UBE2K: variants seen among roughly 807,000 people sequenced by gnomAD.
The protein encoded by UBE2K is ubiquitin conjugating enzyme E2 K.
Under a neutral mutation model 30.0 loss-of-function variants are expected in UBE2K, and 6 were observed. The observed-to-expected ratio is 0.20, with a 90% confidence interval of 0.11 to 0.39. The LOEUF (loss-of-function observed/expected upper bound fraction) is 0.39. Among genes scored for constraint, UBE2K ranks in the 10% least tolerant of loss-of-function variants. UBE2K has a pLI of 1.00. For missense variants in UBE2K, 61 were observed against 241.6 expected (o/e 0.25, Z 4.96); for synonymous variants, 86 against 83.7 (o/e 1.03, Z -0.15).
At chr4:39,724,504 T>C (rs921697095) in intron 1 of UBE2K, among the ~76,000 whole-genome samples, 3 of 143,222 alleles carry the variant, frequency 2.1e-5, no homozygotes, top group Non-Finnish European at 4.5e-5. Context: ...CCTAGCACTT[T>C]GGGAGGCTGA....
chr4:39,740,690 G>T lies in UBE2K; in HGVS notation c.157+3177G>T, dbSNP rs567634270. Among the ~76,000 whole-genome samples the T allele has an allele frequency of 4.3e-4, 63 of 145,680 alleles. 1 individual carries two copies. In the East Asian group the frequency reaches 0.013, roughly 29 times the overall value. The stretch of plus-strand genomic sequence containing the variant: ...GTCCTGGCTAACACGATGAAACCCC[G>T]TCTCTACTAAAAATACAAAAAAATT... On this transcript the variant is annotated intron_variant, in intron 2 of 6. Transcript: ENST00000261427.
intron 1 of UBE2K, among the ~76,000 whole-genome samples, chr4:39,724,078 A>G (rs6825216): frequency 0.83 from 125,566 of 151,510 alleles, 52,492 homozygotes; most frequent in African/African-American, 0.94. Context: ...CTCCCAAAGT[A>G]CTGGGATTAC....
rs761639230 is a variant in UBE2K at position 39,772,978 on chromosome 4, C to T, written c.300-1856C>T. On this transcript the variant is annotated intron_variant, in intron 4 of 6. Transcript: ENST00000261427. ...TTGGGATTACAGGTGTGAGCCACCG[C>T]GCCCAGCCAGTGAGACAACTTTTTT... Among the ~76,000 whole-genome samples the T allele has an allele frequency of 1.1e-4, 14 of 122,546 alleles. 1 individual carries two copies. Among genetic ancestry groups the T allele is most frequent in the East Asian group, 8.2e-4 (3 of 3,652 alleles). 80.4% of individuals were successfully genotyped at this position (122,546 alleles called of 152,430 possible).
Position 39,722,308 on chromosome 4 carries a change from T to TA in UBE2K, c.64-15109dup, listed in dbSNP as rs1427881669. ...TGTAAAGGTTTGATTAGCTTCAGGT[T>TA]AAACATTTTGGTAAGAAGATCCCAA... On this transcript the variant is annotated intron_variant, in intron 1 of 6. Coordinates refer to ENST00000261427, the MANE Select transcript of UBE2K (RefSeq NM_005339.5). Among the ~76,000 whole-genome samples, 4 of 152,304 alleles carry TA rather than the reference T, an allele frequency of 2.6e-5. 1 individual carries two copies. The highest frequency in any genetic ancestry group is 9.6e-5 in the African/African-American group (4 of 41,562).
chr4:39,777,833 AT>A, intron 6 of UBE2K, 23 bp downstream of exon 6: 2 of 1,379,576 alleles, frequency 1.4e-6, no homozygotes, highest in Non-Finnish European at 1.9e-6. Flanking sequence ...GGGCATGTTG[AT>A]TTTGATATAT....
chr4:39,729,000 A>T (rs948103579), intron 1 of UBE2K, among the ~76,000 whole-genome samples: 4 of 126,520 alleles, frequency 3.2e-5, no homozygotes, highest in Non-Finnish European at 4.9e-5. Flanking sequence ...AAGGAGTCTT[A>T]CTTTGTCGCC....
intron 1 of UBE2K, among the ~76,000 whole-genome samples, chr4:39,717,049 C>T (rs559013457): frequency 6.6e-5 from 10 of 150,452 alleles, no homozygotes; most frequent in African/African-American, 2.4e-4. Context: ...ATCAGTAGTC[C>T]TAAACTACTC....
chr4:39,702,557 A>G (rs1320356809), intron 1 of UBE2K, among the ~76,000 whole-genome samples: 1 of 151,896 alleles, frequency 6.6e-6, no homozygotes, highest in African/African-American at 2.4e-5. Flanking sequence ...CCTGGCCAAC[A>G]TTTTCTAGTC....
intron 1 of UBE2K, among the ~76,000 whole-genome samples, chr4:39,701,870 G>C (rs928268263): frequency 6.6e-6 from 1 of 151,168 alleles, no homozygotes; most frequent in African/African-American, 2.4e-5. Flanking sequence ...TAGAGATTCT[G>C]CCGCCTTAGC....
At chr4:39,725,395 A>C (rs28645678) in intron 1 of UBE2K, among the ~76,000 whole-genome samples, 13,483 of 146,174 alleles carry the variant, frequency 0.092, 908 homozygotes, top group East Asian at 0.19. Flanking sequence ...AAAAAAAAAA[A>C]AAAAAAAAAA....
In UBE2K at chr4:39,779,607, TAGTC is replaced by T. The variant is rs1485119565; in HGVS notation, c.*1176_*1179del. ...TGAAAACTTTACCTTCTCTTGTACATAGTCAGACTATTTGTATTAAATTTACATT... is the reference window on the plus strand; with the variant it reads ...TGAAAACTTTACCTTCTCTTGTACATAGACTATTTGTATTAAATTTACATT... On this transcript the variant is annotated 3_prime_UTR_variant, in exon 7 of 7. Coordinates refer to ENST00000261427, the MANE Select transcript of UBE2K (RefSeq NM_005339.5). 8 of 152,674 alleles carry T rather than the reference TAGTC, an allele frequency of 5.2e-5. No individual in the cohort carries two copies. The highest frequency in any genetic ancestry group is 1.3e-4 in the Admixed American group (2 of 15,278). The allele number at this position is 152,674 out of a possible 1,614,324, so 9.5% of individuals were successfully genotyped here.
chr4:39,713,286 A>AT lies in UBE2K; in HGVS notation c.63+14912dup, dbSNP rs56104487. ...TAGTTTTCTCCTTCTTCTGTAGGAAATTTTTTTTTTTTTTTTGAGACAGTT... is the reference window on the plus strand; with the variant it reads ...TAGTTTTCTCCTTCTTCTGTAGGAAATTTTTTTTTTTTTTTTTGAGACAGTT... On this transcript the variant is annotated intron_variant, in intron 1 of 6. Transcript: ENST00000261427. Among the ~76,000 whole-genome samples the AT allele has an allele frequency of 1.1e-3, 88 of 83,564 alleles. 6 individuals carry two copies. The highest frequency in any genetic ancestry group is 7.1e-3 in the Middle Eastern group (1 of 140). 54.8% of individuals were successfully genotyped at this position (83,564 alleles called of 152,430 possible). A position where few individuals can be genotyped will look rare whatever the true frequency, so the allele number is the denominator to read the frequency against.
At chr4:39,777,170 A>T (rs974658352) in intron 5 of UBE2K, among the ~76,000 whole-genome samples, 4 of 152,170 alleles carry the variant, frequency 2.6e-5, no homozygotes, top group Non-Finnish European at 4.4e-5. Flanking sequence ...AAGTTATGTA[A>T]TAAGTTAGGA....
At chr4:39,773,437 C>T (rs2109410750) in intron 4 of UBE2K, among the ~76,000 whole-genome samples, 1 of 152,010 alleles carries the variant, frequency 6.6e-6, no homozygotes, top group Middle Eastern at 3.4e-3. Context: ...CACTGCACTC[C>T]AGCCTCGGCG....
intron 4 of UBE2K, chr4:39,770,728 C>T (rs1045767248): frequency 5.7e-6 from 9 of 1,581,492 alleles, no homozygotes; most frequent in East Asian, 4.5e-5. Context: ...TGGCCACCCA[C>T]GGAGCCTCCA....
intron 4 of UBE2K, chr4:39,771,281 C>T: frequency 4.3e-6 from 7 of 1,611,530 alleles, no homozygotes; most frequent in South Asian, 2.2e-5. Flanking sequence ...GGTGAGCAGG[C>T]GGCTAAGATG....
chr4:39,754,642 G>A (rs1183563746), intron 3 of UBE2K, among the ~76,000 whole-genome samples: 1 of 152,064 alleles, frequency 6.6e-6, no homozygotes, highest in Non-Finnish European at 1.5e-5. Flanking sequence ...CCTAGTAGCT[G>A]GGAGTACAGG....
chr4:39,755,133 T>C (rs1022198247), intron 3 of UBE2K, among the ~76,000 whole-genome samples: 1 of 152,196 alleles, frequency 6.6e-6, no homozygotes, highest in African/African-American at 2.4e-5. Context: ...ATCTCCTCAG[T>C]GTTTGCTACA....
At chr4:39,725,405 A>C (rs1027426611) in intron 1 of UBE2K, among the ~76,000 whole-genome samples, 33 of 122,814 alleles carry the variant, frequency 2.7e-4, no homozygotes, top group African/African-American at 9.4e-4. Flanking sequence ...AAAAAAAAAA[A>C]ACACCTCTTG....
Sources: gnomAD v4.1 joint callset for allele counts (sites outside exome capture counted in the v4.1 genomes callset) on GRCh38, gnomAD v4.1.1 for gene constraint, MANE v1.5 for transcripts, NCBI Gene and HGNC (gene_info 2026-07-23, HGNC 2026-07-21) for gene names.